The following MYCT1 variants were observed in gnomAD, a reference collection of about 807,000 sequenced individuals.
MYCT1 encodes myc target protein 1.
A neutral mutation model predicts 15.0 loss-of-function variants in MYCT1; 12 were observed. The ratio of observed to expected loss-of-function variants is 0.80; its 90% CI spans 0.51 to 1.29. MYCT1 has a LOEUF of 1.29. Among genes scored for constraint, MYCT1 ranks in the 50% most tolerant of loss-of-function variants. The pLI is 0.00. For missense variants in MYCT1, 287 were observed against 279.1 expected (o/e 1.03, Z -0.20); for synonymous variants, 104 against 102.7 (o/e 1.01, Z -0.07).
the MYCT1 span, among the ~76,000 whole-genome samples, chr6:152,739,800 T>A: frequency 6.6e-6 from 1 of 152,126 alleles, no homozygotes; most frequent in African/African-American, 2.4e-5. Context: ...AAACTTGATA[T>A]TCAATTCTAT....
chr6:152,730,932 C>G, the MYCT1 span, among the ~76,000 whole-genome samples: 1 of 152,114 alleles, frequency 6.6e-6, no homozygotes, highest in African/African-American at 2.4e-5. Flanking sequence ...TAGATGATCT[C>G]TTTTGGGAAA....
the MYCT1 span, among the ~76,000 whole-genome samples, chr6:152,732,611 T>A: frequency 6.6e-6 from 1 of 152,240 alleles, no homozygotes; most frequent in Non-Finnish European, 1.5e-5. Context: ...CTTTTAATTT[T>A]GAAATTAGTT....
At chr6:152,738,023 T>A in the MYCT1 span, among the ~76,000 whole-genome samples, 1 of 152,138 alleles carries the variant, frequency 6.6e-6, no homozygotes, top group Non-Finnish European at 1.5e-5. Context: ...GCCATATTCA[T>A]GAAGATATCT....
chr6:152,727,886 G>A (rs183342097), downstream of MYCT1, among the ~76,000 whole-genome samples: 44 of 152,246 alleles, frequency 2.9e-4, no homozygotes, highest in East Asian at 6.8e-3. Context: ...GCTTCAGGCC[G>A]GGTGTGGTGG....
the MYCT1 span, among the ~76,000 whole-genome samples, chr6:152,734,753 G>A: frequency 1.3e-5 from 2 of 151,904 alleles, no homozygotes; most frequent in South Asian, 2.1e-4. Flanking sequence ...GGCCTTTGAC[G>A]TTATCTTCCT....
At chr6:152,733,737 G>A in the MYCT1 span, among the ~76,000 whole-genome samples, 1 of 152,160 alleles carries the variant, frequency 6.6e-6, no homozygotes, top group Non-Finnish European at 1.5e-5. Flanking sequence ...CTACCTTGGA[G>A]CTGGCAAGAA....
chr6:152,722,173 A>G lies in MYCT1; in HGVS notation c.628A>G (p.Ser210Gly). The change falls in exon 2 of 2, where the codon AGT becomes GGT. Residue 210 changes from serine (S) to glycine (G), a missense_variant. Coordinates refer to ENST00000367245, the MANE Select transcript of MYCT1 (RefSeq NM_025107.3). ...HSLSRPDYWS[S>G]NSLRVGLSTP... Reference sequence around the variant, plus strand: ...TCTGAGCCGTCCTGACTACTGGTCCAGTAACAGTCTTCGAGTGGGCCTTTC... The same window carrying G: ...TCTGAGCCGTCCTGACTACTGGTCCGGTAACAGTCTTCGAGTGGGCCTTTC... 6.2e-7 allele frequency: 1 copy of G among 1,614,170 alleles called. No individual in the cohort carries two copies. The highest frequency in any genetic ancestry group is 8.5e-7 in the Non-Finnish European group (1 of 1,180,026).
chr6:152,734,876 T>C, the MYCT1 span, among the ~76,000 whole-genome samples: 1 of 152,176 alleles, frequency 6.6e-6, no homozygotes, highest in Admixed American at 6.5e-5. Context: ...TAATGTATTG[T>C]TTTTGAGTCA....
chr6:152,739,549 G>C, the MYCT1 span, among the ~76,000 whole-genome samples: 1 of 151,732 alleles, frequency 6.6e-6, no homozygotes, highest in Admixed American at 6.6e-5. Context: ...TTTTTGATCA[G>C]AGGTAATGAT....
intron 1 of MYCT1, among the ~76,000 whole-genome samples, chr6:152,701,098 G>GA (rs1197504261): frequency 2.0e-5 from 3 of 151,832 alleles, no homozygotes; most frequent in East Asian, 1.9e-4. Flanking sequence ...ATCTTTCTCA[G>GA]AAAAAAAATG....
the MYCT1 span, among the ~76,000 whole-genome samples, chr6:152,745,755 G>A: frequency 6.6e-6 from 1 of 152,132 alleles, no homozygotes; most frequent in African/African-American, 2.4e-5. Flanking sequence ...CTCTTGGTAG[G>A]TTGTTTAAAA....
intron 1 of MYCT1, among the ~76,000 whole-genome samples, chr6:152,716,742 G>A (rs79896868): frequency 0.016 from 2,493 of 152,186 alleles, 75 homozygotes; most frequent in African/African-American, 0.057. Flanking sequence ...TTGTAGGTAC[G>A]TATTACAAAT....
At chr6:152,720,078 G>A (rs2099724416) in intron 1 of MYCT1, among the ~76,000 whole-genome samples, 1 of 151,812 alleles carries the variant, frequency 6.6e-6, no homozygotes, top group African/African-American at 2.4e-5. Context: ...TTGCTCATGT[G>A]TCACAGTCAT....
the MYCT1 span, among the ~76,000 whole-genome samples, chr6:152,746,480 G>A: frequency 6.6e-6 from 1 of 152,076 alleles, no homozygotes; most frequent in East Asian, 1.9e-4. Context: ...GCAAATAAAT[G>A]GTTTATTTCT....
chr6:152,715,640 A>G (rs1385167001), intron 1 of MYCT1, among the ~76,000 whole-genome samples: 2 of 152,226 alleles, frequency 1.3e-5, no homozygotes, highest in African/African-American at 2.4e-5. Context: ...AATTCCATTT[A>G]GGCTTCAGAG....
rs2099725045 is a variant in MYCT1 at position 152,723,255 on chromosome 6, C to G, written c.*1002C>G. ...CCTGGAGGCAAAATCCTTGGATTTA[C>G]TAACATGATGATTTACCTTTTCTTC... is the stretch of plus-strand genomic sequence containing the variant. On this transcript the variant is annotated 3_prime_UTR_variant, in exon 2 of 2. Transcript: ENST00000367245. The G allele has an allele frequency of 6.6e-6, 1 of 152,114 alleles. No homozygotes were observed. The highest frequency in any genetic ancestry group is 1.5e-5 in the Non-Finnish European group (1 of 68,030). The allele number at this position is 152,114 out of a possible 1,614,324, so 9.4% of individuals were successfully genotyped here. A position where few individuals can be genotyped will look rare whatever the true frequency, so the allele number is the denominator to read the frequency against.
intron 1 of MYCT1, among the ~76,000 whole-genome samples, chr6:152,719,442 A>G (rs2099724303): frequency 6.6e-6 from 1 of 152,204 alleles, no homozygotes; most frequent in African/African-American, 2.4e-5. Flanking sequence ...CAGGTGTGGG[A>G]CTATGGGCTT....
the MYCT1 span, among the ~76,000 whole-genome samples, chr6:152,743,681 G>T: frequency 6.6e-6 from 1 of 152,162 alleles, no homozygotes; most frequent in Non-Finnish European, 1.5e-5. Context: ...TGAAGAGAAA[G>T]GTGAAAGGTC....
chr6:152,743,824 A>G, the MYCT1 span, among the ~76,000 whole-genome samples: 1 of 152,254 alleles, frequency 6.6e-6, no homozygotes, highest in Non-Finnish European at 1.5e-5. Flanking sequence ...TGGTTTTATG[A>G]GTCAGAAATG....
Sources: gnomAD v4.1 joint callset for allele counts (sites outside exome capture counted in the v4.1 genomes callset) on GRCh38, gnomAD v4.1.1 for gene constraint, MANE v1.5 for transcripts, NCBI Gene and HGNC (gene_info 2026-07-23, HGNC 2026-07-21) for gene names.